Variants in FMN2 observed in about 807,000 individuals in gnomAD.
FMN2 encodes formin 2, also known as formin-2.
FMN2 carries 51 observed loss-of-function variants against 142.3 expected under a neutral mutation model. The ratio of observed to expected loss-of-function variants is 0.36; its 90% CI spans 0.29 to 0.45. FMN2 has a LOEUF of 0.45. FMN2 is among the 20% of genes least tolerant of loss of function. The pLI is 1.00. For missense variants in FMN2, 1,936 were observed against 2,122.8 expected, an observed-to-expected ratio of 0.91 and a Z score of 1.73; for synonymous variants, 882 against 869.8, an observed-to-expected ratio of 1.01 and a Z score of -0.25.
chr1:240,138,474 C>T (rs966217509), intron 2 of FMN2, among the ~76,000 whole-genome samples: 2 of 151,622 alleles, frequency 1.3e-5, no homozygotes, highest in East Asian at 3.9e-4. Context: ...CTGAGGCGGG[C>T]GGATCACTTA....
chr1:240,136,250 T>C (rs1019360504), intron 2 of FMN2, among the ~76,000 whole-genome samples: 3 of 152,140 alleles, frequency 2.0e-5, no homozygotes, highest in African/African-American at 7.2e-5. Context: ...GTGATGTTTT[T>C]CCCCCGTTAT....
intron 13 of FMN2, among the ~76,000 whole-genome samples, chr1:240,348,978 G>A (rs1464780860): frequency 2.6e-5 from 4 of 152,192 alleles, no homozygotes; most frequent in Non-Finnish European, 5.9e-5. Context: ...ACAGGGCAAT[G>A]ACTGATTTGA....
intron 1 of FMN2, among the ~76,000 whole-genome samples, chr1:240,122,345 C>A (rs904616933): frequency 6.6e-6 from 1 of 151,994 alleles, no homozygotes; most frequent in Admixed American, 6.6e-5. Context: ...CTCACTGCAA[C>A]CTCCGCCACC....
chr1:240,188,887 T>C (rs1665589534), intron 4 of FMN2, among the ~76,000 whole-genome samples: 1 of 152,146 alleles, frequency 6.6e-6, no homozygotes, highest in South Asian at 2.1e-4. Flanking sequence ...CTTATGTGGA[T>C]GGCAGAAGGC....
intron 16 of FMN2, among the ~76,000 whole-genome samples, chr1:240,456,520 G>C (rs768250978): frequency 6.6e-6 from 1 of 152,116 alleles, no homozygotes; most frequent in African/African-American, 2.4e-5. Context: ...GCAATGGCAC[G>C]ATCTCGGTTC....
intron 7 of FMN2, among the ~76,000 whole-genome samples, chr1:240,267,632 TAAAAA>T (rs60539167): frequency 7.1e-6 from 1 of 140,560 alleles, no homozygotes. Context: ...CCCCTGAACT[TAAAAA>T]AAAAAAAAAA....
intron 7 of FMN2, among the ~76,000 whole-genome samples, chr1:240,287,270 A>T (rs1241707345): frequency 9.2e-5 from 14 of 152,190 alleles, no homozygotes; most frequent in Admixed American, 9.2e-4. Context: ...AAATGAGAGG[A>T]TGCTTCTGAT....
At chr1:240,325,194 C>CA (rs995409943) in intron 8 of FMN2, among the ~76,000 whole-genome samples, 12 of 150,822 alleles carry the variant, frequency 8.0e-5, no homozygotes, top group African/African-American at 2.2e-4. Flanking sequence ...CCCGTCTCTA[C>CA]AAAAAAAACA....
In FMN2 at chr1:240,208,471, C is replaced by G. The variant is rs766292167; in HGVS notation, c.3659C>G (p.Ala1220Gly). 63 of 1,610,140 alleles carry G rather than the reference C, an allele frequency of 3.9e-5. 1 individual carries two copies. Among genetic ancestry groups the G allele is most frequent in the Non-Finnish European group, 4.8e-5 (57 of 1,178,714 alleles). The stretch of plus-strand genomic sequence containing the variant: ...TTGCCAGGTATGGGGATTCCACCTG[C>G]TCCAGCTCCCCCACTCCCTCCACCT... Reference protein sequence around the residue: ...PPLPGMGIPPAPAPPLPPPGT... With the variant: ...PPLPGMGIPPGPAPPLPPPGT... Residue 1220 changes from alanine to glycine, a missense_variant, in exon 5 of 18, where the codon GCT (alanine) becomes GGT (glycine). By Grantham distance (60) the Ala-to-Gly change is moderately conservative. Transcript: ENST00000319653.
intron 6 of FMN2, among the ~76,000 whole-genome samples, chr1:240,247,346 T>C (rs1253082752): frequency 1.3e-5 from 2 of 151,894 alleles, no homozygotes; most frequent in African/African-American, 4.8e-5. Flanking sequence ...CTGCTGTAAA[T>C]ACAAAATTGG....
rs191780378 is a variant in FMN2, at chr1:240,227,150, A to T, written c.4065+15915A>T. Among the ~76,000 whole-genome samples the T allele has an allele frequency of 4.2e-4, 64 of 152,358 alleles. 1 individual carries two copies. In the East Asian group the frequency reaches 0.01, roughly 24 times the overall value. ...TAACAAGGAATCTAATTGTATTTCTAGACATTAGCAATTATCATTGTGAAA... is the reference window on the plus strand; with the variant it reads ...TAACAAGGAATCTAATTGTATTTCTTGACATTAGCAATTATCATTGTGAAA... On this transcript the variant is annotated intron_variant, in intron 6 of 17. Coordinates refer to ENST00000319653, the MANE Select transcript of FMN2 (RefSeq NM_020066.5).
At chr1:240,377,981 A>AT (rs1037369087) in intron 14 of FMN2, among the ~76,000 whole-genome samples, 2 of 152,088 alleles carry the variant, frequency 1.3e-5, no homozygotes, top group African/African-American at 4.8e-5. Flanking sequence ...GGGAATTTAT[A>AT]TTTTTGTTAC....
intron 13 of FMN2, chr1:240,341,544 G>A (rs1671741257): frequency 6.6e-6 from 1 of 151,934 alleles, no homozygotes; most frequent in African/African-American, 2.4e-5. Context: ...ATAAAATTCA[G>A]TTGGAACACA....
At chr1:240,347,991 G>A (rs868287499) in intron 13 of FMN2, among the ~76,000 whole-genome samples, 6 of 152,250 alleles carry the variant, frequency 3.9e-5, no homozygotes, top group Middle Eastern at 6.8e-3. Flanking sequence ...ATTCTGACTA[G>A]CACAACAATG....
chr1:240,182,992 C>T (rs1665215928), intron 3 of FMN2, among the ~76,000 whole-genome samples: 1 of 151,516 alleles, frequency 6.6e-6, no homozygotes, highest in South Asian at 2.1e-4. Flanking sequence ...TCCCGGCTCA[C>T]TGTAGCCTTC....
At chr1:240,317,955 A>C (rs1012691648) in intron 8 of FMN2, among the ~76,000 whole-genome samples, 1 of 152,200 alleles carries the variant, frequency 6.6e-6, no homozygotes, top group African/African-American at 2.4e-5. Context: ...GTGATAGTCC[A>C]TCATGATTTT....
chr1:240,099,812 G>A (rs541083224), intron 1 of FMN2, among the ~76,000 whole-genome samples: 1 of 152,154 alleles, frequency 6.6e-6, no homozygotes, highest in African/African-American at 2.4e-5. Context: ...TATTATATAT[G>A]CTTCTTGGAT....
intron 6 of FMN2, among the ~76,000 whole-genome samples, chr1:240,218,841 G>A (rs1190601826): frequency 6.6e-6 from 1 of 152,166 alleles, no homozygotes; most frequent in Non-Finnish European, 1.5e-5. Flanking sequence ...ACCCAAGAGA[G>A]ACAGTTTTGA....
chr1:240,154,129 A>AAG (rs1663911412), intron 2 of FMN2, among the ~76,000 whole-genome samples: 4 of 102,208 alleles, frequency 3.9e-5, no homozygotes, highest in Non-Finnish European at 5.9e-5. Context: ...AAAAAAAAAA[A>AAG]AAGTGTTACT....
Sources: allele counts gnomAD v4.1 joint callset (sites outside exome capture counted in the v4.1 genomes callset), GRCh38; gene constraint gnomAD v4.1.1; transcripts MANE v1.5; gene names NCBI Gene and HGNC (gene_info 2026-07-23, HGNC 2026-07-21).